Variants in GRM8 observed in about 807,000 individuals in gnomAD.
GRM8 encodes the protein glutamate metabotropic receptor 8.
In GRM8, 47 loss-of-function variants were observed where a neutral mutation model predicts 87.2. The ratio of observed to expected loss-of-function variants is 0.54; its 90% CI spans 0.43 to 0.69. The LOEUF is 0.69. Ranked by LOEUF, GRM8 falls within the 30% of genes least tolerant of loss-of-function variation. GRM8 has a pLI of 0.00. For synonymous variants in GRM8, 396 were observed against 404.5 expected, an observed-to-expected ratio of 0.98 and a Z score of 0.25; for missense variants, 1,019 against 1,139.2, an observed-to-expected ratio of 0.89 and a Z score of 1.52.
chr7:126,970,204 C>T (rs1293822895), intron 3 of GRM8, among the ~76,000 whole-genome samples: 1 of 152,170 alleles, frequency 6.6e-6, no homozygotes, highest in Non-Finnish European at 1.5e-5. Flanking sequence ...GCACTAGCAC[C>T]TAACAGGAGG....
At chr7:126,458,118 A>G (rs1803468025) in intron 9 of GRM8, among the ~76,000 whole-genome samples, 1 of 151,112 alleles carries the variant, frequency 6.6e-6, no homozygotes, top group African/African-American at 2.4e-5. Flanking sequence ...ATGAAAAAAA[A>G]TGAGAGAAAA....
intron 9 of GRM8, among the ~76,000 whole-genome samples, chr7:126,494,495 A>G (rs1216687614): frequency 6.6e-6 from 1 of 152,030 alleles, no homozygotes; most frequent in African/African-American, 2.4e-5. Context: ...TTATATTTTT[A>G]TCTCTTTAAA....
chr7:126,879,365 AG>A (rs1294175087), intron 6 of GRM8, among the ~76,000 whole-genome samples: 1 of 152,150 alleles, frequency 6.6e-6, no homozygotes, highest in Non-Finnish European at 1.5e-5. Flanking sequence ...CAAAATTCTG[AG>A]AATGTTAATT....
chr7:126,831,018 G>C (rs2130409648), intron 6 of GRM8, among the ~76,000 whole-genome samples: 1 of 152,324 alleles, frequency 6.6e-6, no homozygotes, highest in East Asian at 1.9e-4. Flanking sequence ...CAGAACCGCG[G>C]ATTTTCGTGA....
intron 7 of GRM8, among the ~76,000 whole-genome samples, chr7:126,631,365 G>A (rs1003587978): frequency 6.6e-6 from 1 of 152,042 alleles, no homozygotes; most frequent in Non-Finnish European, 1.5e-5. Context: ...ACAAACCACT[G>A]CCCAAAGAAA....
At chr7:127,013,179 A>G (rs986909199) in intron 3 of GRM8, among the ~76,000 whole-genome samples, 9 of 152,186 alleles carry the variant, frequency 5.9e-5, no homozygotes, top group Non-Finnish European at 1.0e-4. Context: ...AACTAGTTCA[A>G]TCAAGGATGG....
At chr7:127,150,114 C>T (rs998413729) in intron 2 of GRM8, among the ~76,000 whole-genome samples, 1 of 151,998 alleles carries the variant, frequency 6.6e-6, no homozygotes, top group Non-Finnish European at 1.5e-5. Flanking sequence ...ACATGTATCC[C>T]TTAACATGTT....
At chr7:126,938,872 C>T (rs1278406426) in intron 3 of GRM8, among the ~76,000 whole-genome samples, 2 of 151,974 alleles carry the variant, frequency 1.3e-5, no homozygotes, top group Admixed American at 6.6e-5. Flanking sequence ...ATTCTGAAAA[C>T]AGATGGATCG....
chr7:126,465,530 G>A (rs900368422), intron 9 of GRM8, among the ~76,000 whole-genome samples: 9 of 151,424 alleles, frequency 5.9e-5, no homozygotes, highest in South Asian at 2.1e-4. Context: ...TGTAGTTTTC[G>A]ATGTAGAGGT....
intron 9 of GRM8, among the ~76,000 whole-genome samples, chr7:126,453,001 C>T (rs1440116457): frequency 6.6e-6 from 1 of 151,288 alleles, no homozygotes; most frequent in Non-Finnish European, 1.5e-5. Context: ...CTTCATTCTC[C>T]ACGTCAGAAA....
intron 6 of GRM8, among the ~76,000 whole-genome samples, chr7:126,857,489 G>A (rs939000246): frequency 8.5e-5 from 13 of 152,050 alleles, no homozygotes; most frequent in African/African-American, 3.1e-4. Flanking sequence ...AAACAAATGT[G>A]TTCTAAAAAA....
intron 3 of GRM8, among the ~76,000 whole-genome samples, chr7:126,964,368 A>G (rs527662737): frequency 1.1e-4 from 16 of 152,354 alleles, no homozygotes; most frequent in African/African-American, 3.6e-4. Flanking sequence ...ATCAGAGTGA[A>G]CAGGCAGCCT....
chr7:126,703,909 C>G (rs1004994152), intron 7 of GRM8, among the ~76,000 whole-genome samples: 2 of 152,126 alleles, frequency 1.3e-5, no homozygotes, highest in African/African-American at 4.8e-5. Flanking sequence ...GCCTATCAGA[C>G]ATTCCCTCTA....
chr7:126,469,925 G>A (rs912310959), intron 9 of GRM8, among the ~76,000 whole-genome samples: 2 of 152,154 alleles, frequency 1.3e-5, no homozygotes, highest in African/African-American at 4.8e-5. Flanking sequence ...CTCGGAAGAA[G>A]ACAGGACGAT....
At chr7:126,466,645 C>T (rs982121786) in intron 9 of GRM8, among the ~76,000 whole-genome samples, 3 of 151,764 alleles carry the variant, frequency 2.0e-5, no homozygotes, top group Admixed American at 6.6e-5. Context: ...AGTTCTGGTC[C>T]GATTCCAAAG....
chr7:126,828,951 C>T (rs1029641724), intron 6 of GRM8, among the ~76,000 whole-genome samples: 44 of 152,168 alleles, frequency 2.9e-4, no homozygotes, highest in African/African-American at 9.4e-4. Flanking sequence ...GCCTTCATTT[C>T]GTTATGTACC....
rs555184680 is a variant in GRM8, at chr7:127,138,889, GATA to G, written c.511-32180_511-32178del. Reference sequence around the variant, plus strand: ...GTCCAATGCAATTAACAACAACAGTGATAATAACAAAAACATTTTTTCTGTCCT... The same window carrying G: ...GTCCAATGCAATTAACAACAACAGTGATAACAAAAACATTTTTTCTGTCCT... On this transcript the variant is annotated intron_variant, in intron 2 of 10. Coordinates refer to ENST00000339582, the MANE Select transcript of GRM8 (RefSeq NM_000845.3). Among the ~76,000 whole-genome samples, 260 of 152,156 alleles carry G rather than the reference GATA, an allele frequency of 1.7e-3. 3 individuals carry two copies. The highest frequency in any genetic ancestry group is 6.0e-3 in the African/African-American group (249 of 41,490).
intron 7 of GRM8, among the ~76,000 whole-genome samples, chr7:126,658,843 C>G (rs1804823573): frequency 6.6e-6 from 1 of 152,002 alleles, no homozygotes; most frequent in African/African-American, 2.4e-5. Flanking sequence ...AAAACGTACA[C>G]AGACACAGGT....
At chr7:126,739,432 CACAT>C (rs1814674827) in intron 7 of GRM8, among the ~76,000 whole-genome samples, 4 of 150,466 alleles carry the variant, frequency 2.7e-5, no homozygotes, top group African/African-American at 9.8e-5. Flanking sequence ...ACACACACAC[CACAT>C]ACAAAACATA....
Sources: gnomAD v4.1 joint callset for allele counts (sites outside exome capture counted in the v4.1 genomes callset) on GRCh38, gnomAD v4.1.1 for gene constraint, MANE v1.5 for transcripts, NCBI Gene and HGNC (gene_info 2026-07-23, HGNC 2026-07-21) for gene names.